Variants in VCAN observed in about 807,000 individuals in gnomAD.
VCAN encodes the protein versican core protein.
VCAN carries 44 observed loss-of-function variants against 245.5 expected under a neutral mutation model. The ratio of observed to expected loss-of-function variants is 0.18; its 90% CI spans 0.14 to 0.23. VCAN has a LOEUF of 0.23. VCAN is among the 10% of genes least tolerant of loss of function. The pLI, the probability that VCAN is intolerant of heterozygous loss-of-function variation, is 1.00. For missense variants in VCAN, 3,793 were observed against 4,057.9 expected (o/e 0.93, Z 1.77); for synonymous variants, 1,413 against 1,437.0 (o/e 0.98, Z 0.38).
At chr5:83,499,759 C>G (rs1308471845) in intron 5 of VCAN, among the ~76,000 whole-genome samples, 1 of 152,088 alleles carries the variant, frequency 6.6e-6, no homozygotes, top group Non-Finnish European at 1.5e-5. Flanking sequence ...ACCTATTCAT[C>G]AATTATAGGT....
chr5:83,485,449 G>A (rs1744761573), intron 2 of VCAN, among the ~76,000 whole-genome samples: 1 of 151,924 alleles, frequency 6.6e-6, no homozygotes, highest in Non-Finnish European at 1.5e-5. Context: ...AGTGCAGTAG[G>A]AAGTATTGAA....
At chr5:83,545,694 G>GAT in intron 9 of VCAN, 44 bp downstream of exon 9, 3 of 1,398,328 alleles carry the variant, frequency 2.1e-6, no homozygotes, top group Non-Finnish European at 2.0e-6. Flanking sequence ...TTTCACAGAA[G>GAT]ATATATTGGG....
chr5:83,570,638 T>A (rs1351596016), intron 12 of VCAN, among the ~76,000 whole-genome samples: 1 of 152,136 alleles, frequency 6.6e-6, no homozygotes, highest in Non-Finnish European at 1.5e-5. Context: ...CCTTTTAAGT[T>A]TTTTATTGTG....
In VCAN at chr5:83,580,549, T is replaced by C. The variant is rs1056336553; in HGVS notation, c.*115T>C. 2.5e-5 allele frequency: 38 copies of C among 1,508,438 alleles called. No homozygotes were observed. In the Admixed American group the frequency reaches 7.3e-4, roughly 29 times the overall value. 93.4% of individuals were successfully genotyped at this position (1,508,438 alleles called of 1,614,324 possible). On this transcript the variant is annotated 3_prime_UTR_variant, in exon 15 of 15. Transcript: ENST00000265077. ...GTTGGTTTGGATTTTTGGACCACCG[T>C]TCAGTCATTTTGGGTTGCCGTGCTC...
intron 6 of VCAN, among the ~76,000 whole-genome samples, chr5:83,514,750 C>G (rs534583555): frequency 6.6e-6 from 1 of 152,116 alleles, no homozygotes; most frequent in Admixed American, 6.5e-5. Flanking sequence ...TGAGCCACTG[C>G]TCCTGGCCTA....
intron 10 of VCAN, among the ~76,000 whole-genome samples, chr5:83,552,442 C>G (rs921311930): frequency 6.6e-6 from 1 of 152,048 alleles, no homozygotes; most frequent in Non-Finnish European, 1.5e-5. Flanking sequence ...GAAAGTCAAC[C>G]CCACCTGTGG....
intron 7 of VCAN, among the ~76,000 whole-genome samples, chr5:83,524,245 A>G (rs1167715679): frequency 2.0e-5 from 3 of 152,170 alleles, no homozygotes; most frequent in African/African-American, 7.2e-5. Context: ...GAAACAATTT[A>G]TACAAAGGTG....
At chr5:83,559,120 C>T (rs1040301256) in intron 12 of VCAN, among the ~76,000 whole-genome samples, 11 of 152,078 alleles carry the variant, frequency 7.2e-5, no homozygotes, top group African/African-American at 2.4e-4. Context: ...TGCTTGTCAC[C>T]CAAGTAATAT....
intron 5 of VCAN, 80 bp downstream of exon 5, chr5:83,494,011 G>C: frequency 6.2e-7 from 1 of 1,605,432 alleles, no homozygotes; most frequent in Non-Finnish European, 8.5e-7. Context: ...AATAGAGCAA[G>C]TCTTCGTGCT....
At chr5:83,525,899 A>G (rs1206661913) in intron 7 of VCAN, among the ~76,000 whole-genome samples, 1 of 152,294 alleles carries the variant, frequency 6.6e-6, no homozygotes, top group East Asian at 1.9e-4. Context: ...GGCAGGAGCC[A>G]TCTGGGCAGA....
chr5:83,565,034 A>G (rs1371724905), intron 12 of VCAN, among the ~76,000 whole-genome samples: 1 of 152,198 alleles, frequency 6.6e-6, no homozygotes, highest in Non-Finnish European at 1.5e-5. Context: ...AGAGAGTTGG[A>G]AAGTAGGCCC....
rs1745696268 is a variant in VCAN at position 83,512,408 on chromosome 5, A to G, written c.1042+12A>G. The G allele has an allele frequency of 6.2e-7, 1 of 1,611,412 alleles. No individual in the cohort carries two copies. The highest frequency in any genetic ancestry group is 1.1e-5 in the South Asian group (1 of 90,792). On this transcript the variant is annotated intron_variant, in intron 6 of 14. Transcript: ENST00000265077. ...CTACTGCTTTAAACGTAAGTGTTTGATACCTTTTTAAAAATTACAGTTTTA... is the reference window on the plus strand; with the variant it reads ...CTACTGCTTTAAACGTAAGTGTTTGGTACCTTTTTAAAAATTACAGTTTTA...
chr5:83,519,253 C>T, intron 6 of VCAN, 96 bp from the exon 7 acceptor site: 1 of 1,309,696 alleles, frequency 7.6e-7, no homozygotes. Flanking sequence ...CCCAAAAATA[C>T]TCCCTACAAA....
chr5:83,521,486 A>G lies in VCAN; in HGVS notation c.3180A>G (p.Val1060=). Residue 1060 remains valine (V), a synonymous_variant, in exon 7 of 15, where the codon GTA becomes GTG. Transcript: ENST00000265077. ...SSTAWTPKEA[V]TPLDEQEGDG... Reference sequence around the variant, plus strand: ...CAGCTTGGACTCCCAAGGAGGCAGTAACACCACTGGATGAACAAGAGGGCG... The same window carrying G: ...CAGCTTGGACTCCCAAGGAGGCAGTGACACCACTGGATGAACAAGAGGGCG... The G allele has an allele frequency of 1.2e-6, 2 of 1,614,118 alleles. No homozygotes were observed. The highest frequency in any genetic ancestry group is 2.2e-5 in the East Asian group (1 of 44,876).
chr5:83,524,578 ACCT>A (rs1746224817), intron 7 of VCAN, among the ~76,000 whole-genome samples: 3 of 130,420 alleles, frequency 2.3e-5, no homozygotes, highest in Non-Finnish European at 4.8e-5. Flanking sequence ...CTACCTACCT[ACCT>A]ACCTGTCATC....
rs553887690 is a variant in VCAN, at chr5:83,486,601, T to C, written c.70+3013T>C. 3.9e-5 allele frequency among the ~76,000 whole-genome samples: 6 copies of C among 152,268 alleles called. 1 individual carries two copies. In the South Asian group the frequency reaches 1.2e-3, roughly 32 times the overall value. ...ATTGGAAGGGAATTTACAGGGAAAG[T>C]AGTAGGCGACCATCCTTCAGCTGAA... On this transcript the variant is annotated intron_variant, in intron 2 of 14. Transcript: ENST00000265077.
chr5:83,497,332 A>G (rs1057455113), intron 5 of VCAN, among the ~76,000 whole-genome samples: 1 of 152,128 alleles, frequency 6.6e-6, no homozygotes, highest in Admixed American at 6.6e-5. Context: ...GTGTTTCTCT[A>G]TAAAATTTGA....
At position 83,538,234 on chromosome 5, in the gene VCAN, C is replaced by T. The variant is rs561638583; in HGVS notation, c.5231C>T (p.Thr1744Ile). 1 of 1,613,734 alleles carries T rather than the reference C, an allele frequency of 6.2e-7. No individual in the cohort carries two copies. The highest frequency in any genetic ancestry group is 1.7e-5 in the Admixed American group (1 of 59,960). ...TASTFEVYSS[T>I]QRSDQLILPF... Reference sequence around the variant, plus strand: ...TCTACATTTGAGGTATATTCATCTACACAGAGATCGGATCAATTAATTTTA... The same window carrying T: ...TCTACATTTGAGGTATATTCATCTATACAGAGATCGGATCAATTAATTTTA... Residue 1744 changes from threonine (T) to isoleucine (I), a missense_variant, in exon 8 of 15, where the codon ACA becomes ATA. Coordinates refer to ENST00000265077, the MANE Select transcript of VCAN (RefSeq NM_004385.5).
chr5:83,499,224 A>G (rs1012932690), intron 5 of VCAN, among the ~76,000 whole-genome samples: 1 of 152,042 alleles, frequency 6.6e-6, no homozygotes, highest in East Asian at 1.9e-4. Flanking sequence ...CATGTGATTT[A>G]TTGCTTAATT....
Sources: allele counts gnomAD v4.1 joint callset (sites outside exome capture counted in the v4.1 genomes callset), GRCh38; gene constraint gnomAD v4.1.1; transcripts MANE v1.5; gene names NCBI Gene and HGNC (gene_info 2026-07-23, HGNC 2026-07-21).